Variants in EHBP1 observed in about 807,000 individuals in gnomAD.
EHBP1 encodes the protein EH domain-binding protein 1.
Under a neutral mutation model 144.0 loss-of-function variants are expected in EHBP1, and 55 were observed. That is an observed-to-expected ratio of 0.38 (90% CI 0.31 to 0.48). EHBP1 has a LOEUF of 0.48. EHBP1 is among the 20% of genes least tolerant of loss of function. The pLI is 0.98. For synonymous variants in EHBP1, 469 were observed against 472.7 expected, an observed-to-expected ratio of 0.99 and a Z score of 0.10; for missense variants, 1,200 against 1,364.2, an observed-to-expected ratio of 0.88 and a Z score of 1.90.
At chr2:62,749,576 G>A (rs1477773513) in intron 3 of EHBP1, among the ~76,000 whole-genome samples, 1 of 152,166 alleles carries the variant, frequency 6.6e-6, no homozygotes, top group Non-Finnish European at 1.5e-5. Flanking sequence ...CTTCCACAAT[G>A]GTTGAACTAG....
intron 1 of EHBP1, among the ~76,000 whole-genome samples, chr2:62,684,021 T>G (rs1191792917): frequency 6.6e-6 from 1 of 152,198 alleles, no homozygotes; most frequent in East Asian, 1.9e-4. Flanking sequence ...TCCCATGTTC[T>G]CAGAGTGGCC....
intron 2 of EHBP1, among the ~76,000 whole-genome samples, chr2:62,708,852 C>T (rs1044090462): frequency 6.6e-6 from 1 of 152,034 alleles, no homozygotes; most frequent in Non-Finnish European, 1.5e-5. Flanking sequence ...ATGGGATGTG[C>T]TGGAAATTCA....
chr2:62,803,817 A>G (rs140378506), intron 5 of EHBP1, among the ~76,000 whole-genome samples: 1 of 152,196 alleles, frequency 6.6e-6, no homozygotes, highest in Non-Finnish European at 1.5e-5. Flanking sequence ...TATGCGGTAC[A>G]GTGTAGTGGA....
At chr2:62,729,381 A>G (rs986001578) in intron 2 of EHBP1, among the ~76,000 whole-genome samples, 1 of 122,132 alleles carries the variant, frequency 8.2e-6, no homozygotes, top group African/African-American at 3.1e-5. Context: ...ATAATAATAA[A>G]TATCATATTT....
chr2:62,795,575 G>T (rs1265236780), intron 5 of EHBP1, among the ~76,000 whole-genome samples: 1 of 151,794 alleles, frequency 6.6e-6, no homozygotes, highest in Non-Finnish European at 1.5e-5. Flanking sequence ...TCTAAAACTG[G>T]CTTTACTCTC....
chr2:62,938,509 T>TA (rs1311218261), intron 10 of EHBP1, among the ~76,000 whole-genome samples: 1 of 152,228 alleles, frequency 6.6e-6, no homozygotes, highest in East Asian at 1.9e-4. Flanking sequence ...AGAAAGCTAT[T>TA]ACCATTGTTA....
intron 10 of EHBP1, among the ~76,000 whole-genome samples, chr2:62,930,828 A>G (rs2055927858): frequency 6.6e-6 from 1 of 152,190 alleles, no homozygotes; most frequent in Non-Finnish European, 1.5e-5. Context: ...GTCACATGCA[A>G]AAGAATGAAG....
intron 5 of EHBP1, among the ~76,000 whole-genome samples, chr2:62,785,146 T>G (rs2042715667): frequency 1.3e-5 from 2 of 152,152 alleles, no homozygotes; most frequent in Non-Finnish European, 2.9e-5. Flanking sequence ...TGGGATGTAC[T>G]GTGGTATTTT....
At chr2:62,946,417 A>G (rs1213640888) in intron 12 of EHBP1, among the ~76,000 whole-genome samples, 1 of 152,246 alleles carries the variant, frequency 6.6e-6, no homozygotes, top group African/African-American at 2.4e-5. Flanking sequence ...TATTCAATAA[A>G]TAATTGTTTT....
intron 10 of EHBP1, among the ~76,000 whole-genome samples, chr2:62,883,127 G>A (rs537142425): frequency 1.3e-5 from 2 of 152,040 alleles, no homozygotes; most frequent in South Asian, 4.1e-4. Flanking sequence ...AAATGATAAA[G>A]CAAGTAGTGA....
At chr2:62,759,513 C>T (rs972408986) in intron 3 of EHBP1, among the ~76,000 whole-genome samples, 1 of 152,074 alleles carries the variant, frequency 6.6e-6, no homozygotes, top group African/African-American at 2.4e-5. Context: ...TCAAGCGATT[C>T]GCCTGCCTCA....
intron 16 of EHBP1, among the ~76,000 whole-genome samples, chr2:62,991,513 GTT>G (rs1009549697): frequency 6.6e-6 from 1 of 152,110 alleles, no homozygotes; most frequent in Non-Finnish European, 1.5e-5. Context: ...CTAAATGTAT[GTT>G]ATTTGTAAGA....
chr2:62,799,498 A>G (rs2043819553), intron 5 of EHBP1, among the ~76,000 whole-genome samples: 1 of 152,196 alleles, frequency 6.6e-6, no homozygotes, highest in South Asian at 2.1e-4. Flanking sequence ...TCACCTGCCT[A>G]CCTTCCTGCT....
chr2:63,031,056 C>A (rs2061227514), intron 19 of EHBP1, among the ~76,000 whole-genome samples: 1 of 152,194 alleles, frequency 6.6e-6, no homozygotes, highest in Non-Finnish European at 1.5e-5. Context: ...CTCGGCCTCC[C>A]AAAGTGCTGA....
intron 3 of EHBP1, among the ~76,000 whole-genome samples, chr2:62,758,820 G>T (rs536558098): frequency 1.3e-5 from 2 of 152,300 alleles, no homozygotes; most frequent in Admixed American, 6.5e-5. Context: ...AGTACAGCTA[G>T]CTGCAGAGCT....
At chr2:62,704,403 A>G (rs1354643897), upstream of EHBP1, among the ~76,000 whole-genome samples, 1 of 152,082 alleles carries the variant, frequency 6.6e-6, no homozygotes, top group African/African-American at 2.4e-5. Flanking sequence ...GATGGACTCA[A>G]TTCTCACCCA....
intron 7 of EHBP1, among the ~76,000 whole-genome samples, chr2:62,852,420 A>G (rs2048744248): frequency 6.6e-6 from 1 of 151,808 alleles, no homozygotes; most frequent in Non-Finnish European, 1.5e-5. Context: ...ATTTCTTTTT[A>G]TATTTTATAT....
intron 16 of EHBP1, among the ~76,000 whole-genome samples, chr2:62,991,680 C>T (rs1183461753): frequency 1.3e-5 from 2 of 152,272 alleles, no homozygotes; most frequent in East Asian, 3.9e-4. Context: ...TATTCCCACC[C>T]ACATGTTTCC....
chr2:62,831,885 T>C (rs2046844013), intron 7 of EHBP1, among the ~76,000 whole-genome samples: 1 of 152,152 alleles, frequency 6.6e-6, no homozygotes, highest in African/African-American at 2.4e-5. Context: ...TTTGGGCACT[T>C]TGTTACTCAT....
Sources: allele counts gnomAD v4.1 joint callset (sites outside exome capture counted in the v4.1 genomes callset), GRCh38; gene constraint gnomAD v4.1.1; transcripts MANE v1.5; gene names NCBI Gene and HGNC (gene_info 2026-07-23, HGNC 2026-07-21).